Variants in TRAPPC9 observed in about 807,000 individuals in gnomAD.
TRAPPC9 encodes the protein trafficking protein particle complex subunit 9, also known as IKK2 binding protein.
A neutral mutation model predicts 124.0 loss-of-function variants in TRAPPC9; 83 were observed. The ratio of observed to expected loss-of-function variants is 0.67; its 90% CI spans 0.56 to 0.80. The LOEUF (loss-of-function observed/expected upper bound fraction) is 0.80. Among genes scored for constraint, TRAPPC9 ranks in the 30% least tolerant of loss-of-function variants. The pLI is 0.00. For missense variants in TRAPPC9, 1,302 were observed against 1,508.3 expected (o/e 0.86, Z 2.27); for synonymous variants, 638 against 617.5 (o/e 1.03, Z -0.49).
chr8:139,939,200 C>T (rs1833742807), intron 19 of TRAPPC9, among the ~76,000 whole-genome samples: 1 of 152,192 alleles, frequency 6.6e-6, no homozygotes, highest in Admixed American at 6.5e-5. Flanking sequence ...GCCATGGGAG[C>T]CAGAGAATGG....
intron 17 of TRAPPC9, among the ~76,000 whole-genome samples, chr8:140,149,335 C>T (rs1352508691): frequency 6.6e-6 from 1 of 152,104 alleles, no homozygotes; most frequent in African/African-American, 2.4e-5. Flanking sequence ...TATTATTCCC[C>T]GGGGCCAGGT....
intron 21 of TRAPPC9, among the ~76,000 whole-genome samples, chr8:139,817,112 T>C (rs1356105442): frequency 2.9e-5 from 4 of 136,600 alleles, no homozygotes; most frequent in Non-Finnish European, 6.2e-5. Context: ...CCCAGGGTGC[T>C]GCAGGCTGGG....
intron 21 of TRAPPC9, among the ~76,000 whole-genome samples, chr8:139,736,730 G>A (rs955890295): frequency 3.3e-5 from 5 of 152,238 alleles, no homozygotes; most frequent in Non-Finnish European, 5.9e-5. Flanking sequence ...ACATGTGACC[G>A]CATGGCAGGG....
In TRAPPC9 at chr8:139,882,324, C is replaced by T. The variant is rs77640941; in HGVS notation, c.3055+3555G>A. 1.3e-3 allele frequency among the ~76,000 whole-genome samples: 200 copies of T among 152,206 alleles called. 5 individuals are homozygous for T. The East Asian group carries it at 0.031, about 23-fold the overall frequency. ...GATGGGGAAATGGAGGCTCAGGGTGCCTCCCTGACGCAGCACGTGGCTGGA... is the reference window on the plus strand; with the variant it reads ...GATGGGGAAATGGAGGCTCAGGGTGTCTCCCTGACGCAGCACGTGGCTGGA... On this transcript the variant is annotated intron_variant, in intron 21 of 22. Coordinates refer to ENST00000438773, the MANE Select transcript of TRAPPC9 (RefSeq NM_001160372.4).
intron 21 of TRAPPC9, among the ~76,000 whole-genome samples, chr8:139,829,165 ATG>A (rs1303458584): frequency 2.6e-5 from 4 of 152,340 alleles, no homozygotes; most frequent in Admixed American, 6.5e-5. Flanking sequence ...TACTAGACTA[ATG>A]TGTGAGAATG....
chr8:140,456,740 G>T (rs1303719280), intron 1 of TRAPPC9: 4 of 953,050 alleles, frequency 4.2e-6, no homozygotes, highest in East Asian at 2.3e-4. Context: ...AGAAACACGG[G>T]ACAGTCACCA....
intron 9 of TRAPPC9, among the ~76,000 whole-genome samples, chr8:140,319,300 CG>C (rs1001356750): frequency 6.0e-5 from 9 of 150,428 alleles, no homozygotes; most frequent in Middle Eastern, 3.2e-3. Context: ...CTCAGCCTCC[CG>C]AGTAGCTGGG....
At chr8:140,260,674 T>G (rs1194347621) in intron 15 of TRAPPC9, among the ~76,000 whole-genome samples, 1 of 152,244 alleles carries the variant, frequency 6.6e-6, no homozygotes, top group Non-Finnish European at 1.5e-5. Flanking sequence ...TATTAAGTCC[T>G]ATCTTCTGAC....
chr8:140,103,157 C>T (rs1205962015), intron 17 of TRAPPC9, among the ~76,000 whole-genome samples: 1 of 152,230 alleles, frequency 6.6e-6, no homozygotes, highest in Non-Finnish European at 1.5e-5. Flanking sequence ...TTTCCTCATA[C>T]TCAGCCTGAG....
At position 140,033,669 on chromosome 8, in the gene TRAPPC9, T is replaced by TTTTTTTTG. The variant is rs1563706698; in HGVS notation, c.2557-9591_2557-9590insCAAAAAAA. Among the ~76,000 whole-genome samples the TTTTTTTTG allele has an allele frequency of 2.5e-3, 185 of 73,266 alleles. 21 individuals carry two copies. The highest frequency in any genetic ancestry group is 9.3e-3 in the South Asian group (19 of 2,036). 48.1% of individuals were successfully genotyped at this position (73,266 alleles called of 152,430 possible). On this transcript the variant is annotated intron_variant, in intron 17 of 22. Transcript: ENST00000438773. ...CTCTTCATAATGTGGTTTTTTTTTT[T>TTTTTTTTG]TTTTTTTTTTTTTTTTTTTTTTTTT...
At chr8:140,219,636 T>C (rs1361505074) in intron 17 of TRAPPC9, among the ~76,000 whole-genome samples, 1 of 152,148 alleles carries the variant, frequency 6.6e-6, no homozygotes, top group Admixed American at 6.5e-5. Flanking sequence ...TTTAAGGGTC[T>C]CCTCCCACCT....
At chr8:139,833,050 G>A (rs1459291436) in intron 21 of TRAPPC9, among the ~76,000 whole-genome samples, 1 of 152,192 alleles carries the variant, frequency 6.6e-6, no homozygotes, top group Admixed American at 6.5e-5. Context: ...ACGTGTCCAG[G>A]AATGGGGGTG....
At chr8:139,977,821 C>T (rs529443637) in intron 19 of TRAPPC9, among the ~76,000 whole-genome samples, 1 of 151,756 alleles carries the variant, frequency 6.6e-6, no homozygotes, top group Non-Finnish European at 1.5e-5. Flanking sequence ...GCTGAGATTA[C>T]AGGTGTGTGC....
chr8:140,086,946 A>C (rs1338600945), intron 17 of TRAPPC9, among the ~76,000 whole-genome samples: 1 of 151,614 alleles, frequency 6.6e-6, no homozygotes, highest in Non-Finnish European at 1.5e-5. Context: ...AGAAAAAAAA[A>C]ATCCCTCTCT....
intron 17 of TRAPPC9, among the ~76,000 whole-genome samples, chr8:140,138,860 A>G (rs186686064): frequency 1.5e-3 from 228 of 152,150 alleles, no homozygotes; most frequent in African/African-American, 5.2e-3. Context: ...AGCATGGTCA[A>G]CCCTGATCTA....
At chr8:139,782,335 G>A (rs1010825881) in intron 21 of TRAPPC9, among the ~76,000 whole-genome samples, 8 of 152,168 alleles carry the variant, frequency 5.3e-5, no homozygotes, top group Non-Finnish European at 8.8e-5. Flanking sequence ...AGCAGAGATC[G>A]TGCCACTGCA....
chr8:140,111,647 C>T (rs1396852344), intron 17 of TRAPPC9, among the ~76,000 whole-genome samples: 1 of 152,206 alleles, frequency 6.6e-6, no homozygotes, highest in Non-Finnish European at 1.5e-5. Context: ...GAGAGTCATG[C>T]ATTCATTAAA....
chr8:140,300,387 A>G lies in TRAPPC9; in HGVS notation c.1768+82T>C, dbSNP rs12156047. On this transcript the variant is annotated intron_variant, in intron 11 of 22. Coordinates refer to ENST00000438773, the MANE Select transcript of TRAPPC9 (RefSeq NM_001160372.4). ...CACATGCACATGCATGAACTGGCTC[A>G]AAATGCTGTTCTAAAAATCTAGAAA... is the stretch of plus-strand genomic sequence containing the variant. 0.32 allele frequency: 514,458 copies of G among 1,588,266 alleles called. 88,169 individuals carry two copies. Among genetic ancestry groups the G allele is most frequent in the Middle Eastern group, 0.36 (2,192 of 6,010 alleles).
chr8:139,811,183 G>C (rs1314436144), intron 21 of TRAPPC9, among the ~76,000 whole-genome samples: 1 of 152,060 alleles, frequency 6.6e-6, no homozygotes, highest in Non-Finnish European at 1.5e-5. Flanking sequence ...CTGAGAACAA[G>C]GAAGAGCTCT....
Sources: allele counts gnomAD v4.1 joint callset (sites outside exome capture counted in the v4.1 genomes callset), GRCh38; gene constraint gnomAD v4.1.1; transcripts MANE v1.5; gene names NCBI Gene and HGNC (gene_info 2026-07-23, HGNC 2026-07-21).